LRRTM1: variants seen among roughly 807,000 people sequenced by gnomAD.
LRRTM1 encodes leucine-rich repeat transmembrane neuronal protein 1.
In LRRTM1, 8 loss-of-function variants were observed where a neutral mutation model predicts 37.3. The ratio of observed to expected loss-of-function variants is 0.21; its 90% CI spans 0.13 to 0.39. The LOEUF is 0.39. LRRTM1 is among the 10% of genes least tolerant of loss of function. The pLI, the probability that LRRTM1 is intolerant of heterozygous loss-of-function variation, is 1.00. For synonymous variants in LRRTM1, 326 were observed against 316.8 expected (o/e 1.03, Z -0.31); for missense variants, 557 against 691.0 (o/e 0.81, Z 2.17).
In LRRTM1 at chr2:80,302,866, G is replaced by A. The variant is rs1340115615; in HGVS notation, c.954C>T (p.Cys318=). The part of the protein sequence containing the change: ...SITLAGNLWD[C]GRNVCALASW... The stretch of plus-strand genomic sequence containing the variant: ...AGGCTAGGGCACACACGTTGCGCCC[G>A]CAATCCCACAGGTTCCCGGCCAGGG... Residue 318 remains cysteine, a synonymous_variant, in exon 2 of 2, where the codon TGC becomes TGT. Transcript: ENST00000295057. This position sits in a 1 kb window ranked among gnomAD's most constrained non-coding sequence, Gnocchi z 6.4. 4.3e-6 allele frequency: 7 copies of A among 1,614,134 alleles called. No homozygotes were observed. The highest frequency in any genetic ancestry group is 5.9e-6 in the Non-Finnish European group (7 of 1,180,034).
intron 2 of LRRTM1, among the ~76,000 whole-genome samples, chr2:80,290,576 C>G (rs1442903064): frequency 2.0e-5 from 3 of 151,842 alleles, no homozygotes; most frequent in Admixed American, 6.6e-5. Context: ...TCCCACTGCC[C>G]CCTTGAAAAT....
chr2:80,299,985 C>CTTTT (rs1252886742), downstream of LRRTM1, among the ~76,000 whole-genome samples: 1 of 152,162 alleles, frequency 6.6e-6, no homozygotes, highest in Non-Finnish European at 1.5e-5. Flanking sequence ...AAAAGGTATG[C>CTTTT]CGTCTTCTAG....
rs778388158 is a variant in LRRTM1 at position 80,303,313 on chromosome 2, C to A, written c.507G>T (p.Arg169=). ...GLRKLTTLHM[R]ANAIQFVPVR... ...CGGGCACAAACTGGATGGCGTTGGC[C>A]CGCATATGCAGCGTGGTGAGCTTCC... The change falls in exon 2 of 2, where the codon CGG becomes CGT. Residue 169 remains arginine, a synonymous_variant. Transcript: ENST00000295057. The surrounding 1 kb of genome is among the most constrained non-coding windows in gnomAD (Gnocchi z 7.7). The A allele has an allele frequency of 1.9e-6, 3 of 1,613,752 alleles. No individual in the cohort carries two copies. Among genetic ancestry groups the A allele is most frequent in the Admixed American group, 3.3e-5 (2 of 60,026 alleles).
chr2:80,302,856 C>A lies in LRRTM1; in HGVS notation c.964G>T (p.Val322Leu). 3 of 1,614,150 alleles carry A rather than the reference C, an allele frequency of 1.9e-6. No homozygotes were observed. Among genetic ancestry groups the A allele is most frequent in the Non-Finnish European group, 2.5e-6 (3 of 1,180,036 alleles). Residue 322 changes from valine (V) to leucine (L), a missense_variant, in exon 2 of 2, where the codon GTG becomes TTG. Val to Leu is a conservative substitution (Grantham distance 32, BLOSUM62 1). Around this residue, in one of 5 missense-constraint regions of LRRTM1, gnomAD observed 200 missense variants for 249.9 expected, o/e 0.80. Coordinates refer to ENST00000295057, the MANE Select transcript of LRRTM1 (RefSeq NM_178839.5). The surrounding 1 kb of genome is among the most constrained non-coding windows in gnomAD (Gnocchi z 6.4). ...AGNLWDCGRNVCALASWLNNF... is the reference protein window; with the variant it reads ...AGNLWDCGRNLCALASWLNNF... ...TTGAGCCACGAGGCTAGGGCACACA[C>A]GTTGCGCCCGCAATCCCACAGGTTC...
intron 2 of LRRTM1, among the ~76,000 whole-genome samples, chr2:80,293,183 G>C (rs1282745486): frequency 2.0e-5 from 3 of 152,190 alleles, no homozygotes; most frequent in African/African-American, 7.2e-5. Flanking sequence ...TGACAGAATT[G>C]CCTTGGCCAG....
At chr2:80,299,306 T>G (rs1003203761), downstream of LRRTM1, 1 of 152,182 alleles carries the variant, frequency 6.6e-6, no homozygotes, top group Admixed American at 6.5e-5. Context: ...AGAAAAGATT[T>G]CAAGTGTTAC....
chr2:80,295,633 G>T (rs1675676671), intron 2 of LRRTM1, among the ~76,000 whole-genome samples: 1 of 152,152 alleles, frequency 6.6e-6, no homozygotes, highest in South Asian at 2.1e-4. Flanking sequence ...AACTGGAAAG[G>T]TTCTTAGGGA....
Position 80,302,556 on chromosome 2 carries a change from C to G in LRRTM1, c.1264G>C (p.Ala422Pro). Reference protein sequence around the residue: ...ALPGGEHAENAVQIHKVVTGT... With the variant: ...ALPGGEHAENPVQIHKVVTGT... The stretch of plus-strand genomic sequence containing the variant: ...GTGACCACCTTGTGGATCTGCACGG[C>G]GTTCTCGGCGTGCTCGCCGCCTGGA... Residue 422 changes from alanine (A) to proline (P), a missense_variant, in exon 2 of 2, where the codon GCC (alanine) becomes CCC (proline). Physicochemically the swap from Ala to Pro is conservative, Grantham distance 27. Transcript: ENST00000295057. This position sits in a 1 kb window ranked among gnomAD's most constrained non-coding sequence, Gnocchi z 6.4. 6.2e-7 allele frequency: 1 copy of G among 1,608,856 alleles called. No individual in the cohort carries two copies. The highest frequency in any genetic ancestry group is 8.5e-7 in the Non-Finnish European group (1 of 1,179,494).
At chr2:80,288,928 T>C (rs1443224545) in exon 3 of LRRTM1, 1 of 152,256 alleles carries the variant, frequency 6.6e-6, no homozygotes, top group African/African-American at 2.4e-5. Context: ...GCTGCTTGGC[T>C]GTGAGGTCCA....
At chr2:80,291,601 T>G (rs2149180188) in intron 2 of LRRTM1, among the ~76,000 whole-genome samples, 1 of 152,332 alleles carries the variant, frequency 6.6e-6, no homozygotes, top group East Asian at 1.9e-4. Context: ...TGAAGATGTA[T>G]GCTTAGTGTC....
At chr2:80,294,548 T>C (rs939378840) in intron 2 of LRRTM1, among the ~76,000 whole-genome samples, 3 of 152,072 alleles carry the variant, frequency 2.0e-5, no homozygotes, top group Non-Finnish European at 4.4e-5. Flanking sequence ...ATCTTGTAGA[T>C]TGCTGAGTTG....
intron 2 of LRRTM1, among the ~76,000 whole-genome samples, chr2:80,289,933 G>A (rs1675093670): frequency 6.6e-6 from 1 of 152,162 alleles, no homozygotes; most frequent in African/African-American, 2.4e-5. Flanking sequence ...AATCCCTGTG[G>A]AGGAGAGTTT....
downstream of LRRTM1, among the ~76,000 whole-genome samples, chr2:80,297,067 G>A (rs1053649539): frequency 3.9e-5 from 6 of 152,154 alleles, no homozygotes; most frequent in African/African-American, 1.4e-4. Flanking sequence ...CTGGAACCCC[G>A]GAGAAGTCTC....
chr2:80,296,363 C>T (rs1675744003), intron 2 of LRRTM1, among the ~76,000 whole-genome samples: 1 of 152,122 alleles, frequency 6.6e-6, no homozygotes, highest in African/African-American at 2.4e-5. Flanking sequence ...TAAATCTCCA[C>T]TGTTAACTTG....
At chr2:80,290,322 A>T (rs1053588098) in intron 2 of LRRTM1, among the ~76,000 whole-genome samples, 1 of 152,044 alleles carries the variant, frequency 6.6e-6, no homozygotes, top group Non-Finnish European at 1.5e-5. Flanking sequence ...CTTCACATGA[A>T]CCTGTCCAAA....
Position 80,303,369 on chromosome 2 carries a change from C to T in LRRTM1, c.451G>A (p.Ala151Thr), listed in dbSNP as rs1249630357. ...CCGTGGAAGAGGTCGGGCGCGAGCG[C>T]CTGCAGCTTGTTGTACGAGAGGTCC... ...SVDLSYNKLQ[A>T]LAPDLFHGLR... The change falls in exon 2 of 2, where the codon GCG (alanine) becomes ACG (threonine). Residue 151 changes from alanine (A) to threonine (T), a missense_variant. Around this residue, in one of 5 missense-constraint regions of LRRTM1, gnomAD observed 38 missense variants for 72.9 expected, o/e 0.52. Transcript: ENST00000295057. This position sits in a 1 kb window ranked among gnomAD's most constrained non-coding sequence, Gnocchi z 7.7. 6.2e-6 allele frequency: 10 copies of T among 1,614,120 alleles called. No individual in the cohort carries two copies. Among genetic ancestry groups the T allele is most frequent in the Non-Finnish European group, 7.6e-6 (9 of 1,180,046 alleles).
chr2:80,303,724 C>A lies in LRRTM1; in HGVS notation c.96G>T (p.Leu32=). The A allele has an allele frequency of 6.2e-7, 1 of 1,605,506 alleles. No homozygotes were observed. The highest frequency in any genetic ancestry group is 8.5e-7 in the Non-Finnish European group (1 of 1,175,810). The change falls in exon 2 of 2, where the codon CTG becomes CTT. Residue 32 remains leucine (L), a synonymous_variant. Transcript: ENST00000295057. This position sits in a 1 kb window ranked among gnomAD's most constrained non-coding sequence, Gnocchi z 7.7. ...GCGGGCACCCGCTGGGGGCGGCGGG[C>A]AGCATCTGAAAGCAGGCCCCCAGCA... ...LCLLGACFQM[L]PAAPSGCPQL...
At chr2:80,289,076 T>A (rs1043788868) in exon 3 of LRRTM1, 2 of 152,218 alleles carry the variant, frequency 1.3e-5, no homozygotes, top group Non-Finnish European at 2.9e-5. Context: ...CGAGATGGAT[T>A]TCTTTCCCAC....
At chr2:80,290,552 AT>A (rs890160761) in intron 2 of LRRTM1, among the ~76,000 whole-genome samples, 1 of 150,928 alleles carries the variant, frequency 6.6e-6, no homozygotes, top group Non-Finnish European at 1.5e-5. Flanking sequence ...TTTCCCAGCC[AT>A]TTTTTTTCAT....
Sources: gnomAD v4.1 joint callset for allele counts (sites outside exome capture counted in the v4.1 genomes callset) on GRCh38, gnomAD v4.1.1 for gene constraint, gnomAD v4.1.1 regional missense constraint, Gnocchi (gnomAD v3.1) non-coding constraint, MANE v1.5 for transcripts, NCBI Gene and HGNC (gene_info 2026-07-23, HGNC 2026-07-21) for gene names.